PAX9: variants seen among roughly 807,000 people sequenced by gnomAD.
PAX9 encodes paired box 9.
A neutral mutation model predicts 29.1 loss-of-function variants in PAX9; 6 were observed. The ratio of observed to expected loss-of-function variants is 0.21; its 90% CI spans 0.11 to 0.41. The LOEUF is 0.41. Among genes scored for constraint, PAX9 ranks in the 10% least tolerant of loss-of-function variants. The pLI is 1.00. For missense variants in PAX9, 443 were observed against 479.1 expected, an observed-to-expected ratio of 0.92 and a Z score of 0.70; for synonymous variants, 217 against 211.7, an observed-to-expected ratio of 1.03 and a Z score of -0.22.
chr14:36,668,513 T>A (rs142850553), intron 3 of PAX9, among the ~76,000 whole-genome samples: 211 of 152,266 alleles, frequency 1.4e-3, no homozygotes, highest in African/African-American at 4.9e-3. Flanking sequence ...CTCAGCCTCC[T>A]GAGTAGCTGG....
At chr14:36,661,028 CAAACG>C (rs1211885462), upstream of PAX9, among the ~76,000 whole-genome samples, 1 of 152,224 alleles carries the variant, frequency 6.6e-6, no homozygotes, top group Non-Finnish European at 1.5e-5. Flanking sequence ...AGAACCCTCA[CAAACG>C]CTGCCACCGA....
At chr14:36,661,053 G>A (rs528970386), upstream of PAX9, among the ~76,000 whole-genome samples, 1 of 152,372 alleles carries the variant, frequency 6.6e-6, no homozygotes, top group East Asian at 1.9e-4. Context: ...AGGGCCAGGG[G>A]CCCAGGACAG....
In PAX9 at chr14:36,677,147, C is replaced by A. The variant is rs1881929214; in HGVS notation, c.*695C>A. 1 of 152,600 alleles carries A rather than the reference C, an allele frequency of 6.6e-6. No homozygotes were observed. Among genetic ancestry groups the A allele is most frequent in the African/African-American group, 2.4e-5 (1 of 41,428 alleles). 9.5% of individuals were successfully genotyped at this position (152,600 alleles called of 1,614,324 possible). A position where few individuals can be genotyped will look rare whatever the true frequency, so the allele number is the denominator to read the frequency against. The stretch of plus-strand genomic sequence containing the variant: ...TGGATGGTGCATTTGTGTCTTCATT[C>A]CATAAGATATTCCCCTCCCCTCAGC... On this transcript the variant is annotated 3_prime_UTR_variant, in exon 4 of 4. Transcript: ENST00000361487.
intron 3 of PAX9, among the ~76,000 whole-genome samples, chr14:36,670,726 C>G (rs1232691522): frequency 3.9e-5 from 6 of 151,914 alleles, no homozygotes; most frequent in African/African-American, 1.4e-4. Flanking sequence ...GATCATGTAT[C>G]AGTAAAATGT....
At chr14:36,661,219 C>T (rs945073203), upstream of PAX9, among the ~76,000 whole-genome samples, 22 of 152,212 alleles carry the variant, frequency 1.4e-4, no homozygotes, top group African/African-American at 4.8e-4. Flanking sequence ...AGTGGTTGGC[C>T]GGTCCACCTG....
intron 3 of PAX9, among the ~76,000 whole-genome samples, chr14:36,674,947 C>T (rs930654647): frequency 1.3e-5 from 2 of 152,152 alleles, no homozygotes; most frequent in Admixed American, 6.5e-5. Context: ...TTTGAGACCG[C>T]ACCACTGCAT....
At chr14:36,658,692 C>A (rs1481596145), upstream of PAX9, 1 of 152,276 alleles carries the variant, frequency 6.6e-6, no homozygotes, top group African/African-American at 2.4e-5. Flanking sequence ...CGTTGCTTCT[C>A]CGCGTCTCTC....
rs1278990415 is a variant in PAX9, at chr14:36,663,336, G to A, written c.444G>A (p.Pro148=). The A allele has an allele frequency of 1.2e-6, 2 of 1,614,144 alleles. No individual in the cohort carries two copies. The highest frequency in any genetic ancestry group is 1.7e-6 in the Non-Finnish European group (2 of 1,180,038). The stretch of plus-strand genomic sequence containing the variant: ...ACGACTCATACAAGCAGCACCAGCC[G>A]ACGCCGCAGCCAGCGCTGCCCTACA... ...GHYDSYKQHQ[P]TPQPALPYNH... The change falls in exon 2 of 4, where the codon CCG becomes CCA. Residue 148 remains proline (P), a synonymous_variant. Coordinates refer to ENST00000361487, the MANE Select transcript of PAX9 (RefSeq NM_001372076.1).
At chr14:36,662,163 G>A in intron 1 of PAX9, 70 bp downstream of exon 1, 4 of 1,067,094 alleles carry the variant, frequency 3.7e-6, no homozygotes, top group Non-Finnish European at 5.3e-6. Flanking sequence ...AGGGAGGGAG[G>A]GAGGGAGGGA....
chr14:36,674,962 A>G (rs1005446188), intron 3 of PAX9, among the ~76,000 whole-genome samples: 1 of 152,236 alleles, frequency 6.6e-6, no homozygotes, highest in African/African-American at 2.4e-5. Context: ...CTGCATTCTC[A>G]TAGATGTAGA....
chr14:36,662,072 G>C lies in PAX9; in HGVS notation c.-18G>C. 2 of 1,561,702 alleles carry C rather than the reference G, an allele frequency of 1.3e-6. No homozygotes were observed. Among genetic ancestry groups the C allele is most frequent in the Non-Finnish European group, 1.7e-6 (2 of 1,153,976 alleles). ...GGGAGTGCGGAACTGGGGCCGGGTT[G>C]GTGTACTGCTCGGAGCAATGGGTGA... is the stretch of plus-strand genomic sequence containing the variant. On this transcript the variant is annotated 5_prime_UTR_variant, in exon 1 of 4. Coordinates refer to ENST00000361487, the MANE Select transcript of PAX9 (RefSeq NM_001372076.1).
At chr14:36,662,862 T>A in intron 1 of PAX9, 35 bp from the exon 2 acceptor site, 2 of 1,573,772 alleles carry the variant, frequency 1.3e-6, no homozygotes, top group South Asian at 2.4e-5. Context: ...AAGCAGCGGG[T>A]GCGCGTCCCT....
Position 36,663,457 on chromosome 14 carries a change from C to A in PAX9, c.565C>A (p.Pro189Thr), listed in dbSNP as rs1298394734. 6.2e-7 allele frequency: 1 copy of A among 1,612,982 alleles called. No homozygotes were observed. ...TGCCATCCCCGGTTCGGTGGCCATG[C>A]CGCGCACCTGGCCCTCCTCGCACTC... Reference protein sequence around the residue: ...VPAIPGSVAMPRTWPSSHSVT... With the variant: ...VPAIPGSVAMTRTWPSSHSVT... Residue 189 changes from proline to threonine, a missense_variant, in exon 2 of 4, where the codon CCG (proline) becomes ACG (threonine). Pro to Thr is a conservative substitution (Grantham distance 38). Coordinates refer to ENST00000361487, the MANE Select transcript of PAX9 (RefSeq NM_001372076.1).
intron 1 of PAX9, chr14:36,662,530 G>C (rs929267913): frequency 1.7e-5 from 7 of 415,278 alleles, no homozygotes; most frequent in African/African-American, 1.2e-4. Context: ...GGGATGGGTG[G>C]AGAGAGGGAG....
intron 2 of PAX9, among the ~76,000 whole-genome samples, chr14:36,663,787 G>T (rs1027888643): frequency 1.3e-5 from 2 of 152,096 alleles, no homozygotes; most frequent in Non-Finnish European, 2.9e-5. Context: ...CACATGGTTC[G>T]CATTTTCCAC....
chr14:36,667,330 AT>A (rs1311346842), intron 3 of PAX9, among the ~76,000 whole-genome samples: 4 of 151,554 alleles, frequency 2.6e-5, no homozygotes, highest in African/African-American at 9.7e-5. Context: ...TCGTGTTTTT[AT>A]TTTCCCCCCG....
Position 36,672,852 on chromosome 14 carries a change from C to CTTTTTTTTTTTTTTTTTTTTTTTT in PAX9, c.772-3339_772-3316dup, listed in dbSNP as rs3061562. Among the ~76,000 whole-genome samples, 30 of 19,158 alleles carry CTTTTTTTTTTTTTTTTTTTTTTTT rather than the reference C, an allele frequency of 1.6e-3. 12 individuals are homozygous for CTTTTTTTTTTTTTTTTTTTTTTTT. The highest frequency in any genetic ancestry group is 8.1e-3 in the South Asian group (2 of 246). 12.6% of individuals were successfully genotyped at this position (19,158 alleles called of 152,430 possible). ...TTCTTTTTTCTTTCTTTCTTTCTTC[C>CTTTTTTTTTTTTTTTTTTTTTTTT]TTTTTTTTTTTTTTTTTTTTTTTTT... On this transcript the variant is annotated intron_variant, in intron 3 of 3. Coordinates refer to ENST00000361487, the MANE Select transcript of PAX9 (RefSeq NM_001372076.1).
intron 3 of PAX9, among the ~76,000 whole-genome samples, chr14:36,670,827 AG>A (rs1253238737): frequency 6.6e-6 from 1 of 152,066 alleles, no homozygotes; most frequent in African/African-American, 2.4e-5. Flanking sequence ...AATTTAGAAA[AG>A]CTTTTAAATA....
upstream of PAX9, among the ~76,000 whole-genome samples, chr14:36,660,242 C>G (rs1486317626): frequency 1.3e-5 from 2 of 152,160 alleles, no homozygotes; most frequent in Non-Finnish European, 2.9e-5. Flanking sequence ...AAATGCCAGG[C>G]GGTGCCACAC....
Sources: allele counts gnomAD v4.1 joint callset (sites outside exome capture counted in the v4.1 genomes callset), GRCh38; gene constraint gnomAD v4.1.1; transcripts MANE v1.5; gene names NCBI Gene and HGNC (gene_info 2026-07-23, HGNC 2026-07-21).